Variants in ASS1 observed in about 807,000 individuals in gnomAD.
ASS1 encodes the protein argininosuccinate synthase 1, also known as argininosuccinate synthase.
A neutral mutation model predicts 60.5 loss-of-function variants in ASS1; 58 were observed. That is an observed-to-expected ratio of 0.96 (90% CI 0.78 to 1.19). The LOEUF (loss-of-function observed/expected upper bound fraction) is 1.19, where lower values mean the gene tolerates loss of function less well. ASS1 is among the 50% of genes most tolerant of loss of function. The probability of loss-of-function intolerance (pLI) is 0.00; values close to 1 mark genes in which losing one functional copy is unlikely to be tolerated. For synonymous variants in ASS1, 200 were observed against 206.9 expected (o/e 0.97, Z 0.29); for missense variants, 454 against 547.3 (o/e 0.83, Z 1.70).
intron 1 of ASS1, among the ~76,000 whole-genome samples, chr9:130,451,228 C>T (rs1845317532): frequency 6.6e-6 from 1 of 152,150 alleles, no homozygotes; most frequent in African/African-American, 2.4e-5. Flanking sequence ...GCCTTGGCGC[C>T]TTCGGGAGGC....
At position 130,450,309 on chromosome 9, in the gene ASS1, C is replaced by T. The variant is rs549216391; in HGVS notation, c.-5-1915C>T. 193 of 987,624 alleles carry T rather than the reference C, an allele frequency of 2.0e-4. No homozygotes were observed. Among genetic ancestry groups the T allele is most frequent in the Non-Finnish European group, 2.1e-4 (178 of 830,222 alleles). 61.2% of individuals were successfully genotyped at this position (987,624 alleles called of 1,614,324 possible). On this transcript the variant is annotated intron_variant, in intron 1 of 14. Coordinates refer to ENST00000352480, the MANE Select transcript of ASS1 (RefSeq NM_054012.4). The stretch of plus-strand genomic sequence containing the variant: ...CACTGTGAAAACAGATTCCAGACGC[C>T]GGGAACTCACGCCTCCAATCCCAGG...
intron 11 of ASS1, among the ~76,000 whole-genome samples, chr9:130,481,713 G>A (rs533022927): frequency 2.5e-4 from 38 of 152,322 alleles, no homozygotes; most frequent in Non-Finnish European, 4.6e-4. Flanking sequence ...CGTTTCCCTG[G>A]AAAGGCATGG....
rs1846067801 is a variant in ASS1 at position 130,478,032 on chromosome 9, G to A, written c.688+1071G>A. On this transcript the variant is annotated intron_variant, in intron 9 of 14. Coordinates refer to ENST00000352480, the MANE Select transcript of ASS1 (RefSeq NM_054012.4). This position sits in a 1 kb window ranked among gnomAD's most constrained non-coding sequence, Gnocchi z 4.7. ...AGCTTCACCATGCTGGGCCTTGGGT[G>A]CACTCATCAAAAAACGGACCACAGG... 6.6e-6 allele frequency among the ~76,000 whole-genome samples: 1 copy of A among 152,184 alleles called. No homozygotes were observed. The highest frequency in any genetic ancestry group is 1.5e-5 in the Non-Finnish European group (1 of 68,040).
Position 130,489,303 on chromosome 9 carries a change from C to A in ASS1, c.839-30C>A. ...TTTCATGCGTTTCTCTCTTTTTTCT[C>A]CTTTTCCCCCTGCCTGGAAAAATGG... On this transcript the variant is annotated intron_variant, in intron 11 of 14. Coordinates refer to ENST00000352480, the MANE Select transcript of ASS1 (RefSeq NM_054012.4). The surrounding 1 kb of genome is among the most constrained non-coding windows in gnomAD (Gnocchi z 4.1). 6.2e-7 allele frequency: 1 copy of A among 1,608,462 alleles called. No individual in the cohort carries two copies. The highest frequency in any genetic ancestry group is 8.5e-7 in the Non-Finnish European group (1 of 1,177,548).
At chr9:130,497,369 C>G (rs1036498367) in intron 13 of ASS1, among the ~76,000 whole-genome samples, 7 of 151,974 alleles carry the variant, frequency 4.6e-5, no homozygotes, top group Admixed American at 4.6e-4. Flanking sequence ...TGAGAGGTAG[C>G]AGAGCTGGAA....
At chr9:130,445,205 G>A in intron 1 of ASS1, 1 of 985,122 alleles carries the variant, frequency 1.0e-6, no homozygotes, top group Non-Finnish European at 1.2e-6. Flanking sequence ...CCAGGTTTCT[G>A]GAGCGTGGGG....
At position 130,452,254 on chromosome 9, in the gene ASS1, T is replaced by A; in HGVS notation, c.26T>A (p.Leu9Gln). 1 of 1,614,232 alleles carries A rather than the reference T, an allele frequency of 6.2e-7. No homozygotes were observed. Among genetic ancestry groups the A allele is most frequent in the Non-Finnish European group, 8.5e-7 (1 of 1,180,044 alleles). Residue 9 changes from leucine to glutamine, a missense_variant, in exon 2 of 15, where the codon CTG becomes CAG. Leu to Gln is a moderately radical substitution (Grantham distance 113, BLOSUM62 -2). Transcript: ENST00000352480. MSSKGSVV[L>Q]AYSGGLDTSC... ...ATGTCCAGCAAAGGCTCCGTGGTTC[T>A]GGCCTACAGTGGCGGCCTGGACACC...
At position 130,450,437 on chromosome 9, in the gene ASS1, C is replaced by A; in HGVS notation, c.-5-1787C>A. 3 of 810,990 alleles carry A rather than the reference C, an allele frequency of 3.7e-6. 1 individual carries two copies. The highest frequency in any genetic ancestry group is 1.1e-4 in the South Asian group (2 of 17,746). 50.2% of individuals were successfully genotyped at this position (810,990 alleles called of 1,614,324 possible). A position where few individuals can be genotyped will look rare whatever the true frequency, so the allele number is the denominator to read the frequency against. On this transcript the variant is annotated intron_variant, in intron 1 of 14. Transcript: ENST00000352480. ...AGTTGCCATGGATACCACCTGCTGG[C>A]TCCAGGGTTAGGGCTGGCTGAGTCA...
At chr9:130,493,987 G>A (rs1846520378) in intron 12 of ASS1, among the ~76,000 whole-genome samples, 1 of 152,182 alleles carries the variant, frequency 6.6e-6, no homozygotes. Flanking sequence ...GTTACAACTT[G>A]GGCCAACACA....
intron 4 of ASS1, among the ~76,000 whole-genome samples, chr9:130,461,417 G>A (rs1845590825): frequency 6.6e-6 from 1 of 152,188 alleles, no homozygotes; most frequent in East Asian, 1.9e-4. Flanking sequence ...GGCACCACCG[G>A]GGTCCTCTGT....
chr9:130,483,424 G>C (rs1006195970), intron 11 of ASS1, among the ~76,000 whole-genome samples: 20 of 152,122 alleles, frequency 1.3e-4, no homozygotes, highest in African/African-American at 4.6e-4. Flanking sequence ...GCGGCGCTCA[G>C]GGTCAGGGAC....
chr9:130,471,425 G>A, intron 7 of ASS1, 60 bp from the exon 8 acceptor site: 1 of 1,586,460 alleles, frequency 6.3e-7, no homozygotes, highest in East Asian at 2.2e-5. Flanking sequence ...TGTGTGTTGG[G>A]GGATGGGGAC....
intron 10 of ASS1, 147 bp from the exon 11 acceptor site, chr9:130,480,238 C>A: frequency 1.1e-6 from 1 of 876,130 alleles, no homozygotes. Flanking sequence ...CTAGGTGACC[C>A]GGCTCAGATG....
In ASS1 at chr9:130,476,713, G is replaced by T. The variant is rs1317149150; in HGVS notation, c.598-158G>T. The T allele has an allele frequency of 9.3e-6, 7 of 752,670 alleles. No homozygotes were observed. The East Asian group carries it at 1.8e-4, about 19-fold the overall frequency. The allele number at this position is 752,670 out of a possible 1,614,324, so 46.6% of individuals were successfully genotyped here. Reference sequence around the variant, plus strand: ...CCCAGGCCTCTGGCAAGCGAGGCTGGTGCTAGGCTGAGGGCTGGGGACCGG... The same window carrying T: ...CCCAGGCCTCTGGCAAGCGAGGCTGTTGCTAGGCTGAGGGCTGGGGACCGG... On this transcript the variant is annotated intron_variant, in intron 8 of 14. Coordinates refer to ENST00000352480, the MANE Select transcript of ASS1 (RefSeq NM_054012.4). The surrounding 1 kb of genome is among the most constrained non-coding windows in gnomAD (Gnocchi z 4.9).
chr9:130,452,093 G>C (rs568059523), intron 1 of ASS1, 131 bp from the exon 2 acceptor site: 16 of 793,028 alleles, frequency 2.0e-5, no homozygotes, highest in Non-Finnish European at 3.3e-5. Context: ...TCCTGTTCCC[G>C]ACCTTCAGTG....
intron 5 of ASS1, 140 bp downstream of exon 5, chr9:130,464,307 C>T: frequency 9.5e-7 from 1 of 1,052,146 alleles, no homozygotes; most frequent in Non-Finnish European, 1.4e-6. Context: ...GGGTGGACAG[C>T]CTGCTGGGGA....
intron 11 of ASS1, among the ~76,000 whole-genome samples, chr9:130,486,063 T>C (rs1846301003): frequency 6.6e-6 from 1 of 152,188 alleles, no homozygotes; most frequent in South Asian, 2.1e-4. Context: ...CATGACTCAC[T>C]GCAGCCTCAA....
rs1387183952 is a variant in ASS1, at chr9:130,470,736, C to T, written c.496-98C>T. ...GCCAGGGTCTTGTCTGAATGGGGGC[C>T]AGAGTTTGGGGCTCTCTGAAAAAGC... is the stretch of plus-strand genomic sequence containing the variant. On this transcript the variant is annotated intron_variant, in intron 6 of 14. Transcript: ENST00000352480. This position sits in a 1 kb window ranked among gnomAD's most constrained non-coding sequence, Gnocchi z 4.3. 4.1e-6 allele frequency: 5 copies of T among 1,215,558 alleles called. No individual in the cohort carries two copies. Among genetic ancestry groups the T allele is most frequent in the Non-Finnish European group, 6.1e-6 (5 of 821,362 alleles). 75.3% of individuals were successfully genotyped at this position (1,215,558 alleles called of 1,614,324 possible).
At chr9:130,479,281 C>CTG (rs376408214) in intron 9 of ASS1, among the ~76,000 whole-genome samples, 2,068 of 148,384 alleles carry the variant, frequency 0.014, 18 homozygotes, top group African/African-American at 0.027. Context: ...TGGCAGGGGG[C>CTG]TGTGTGTGTG....
Sources: allele counts gnomAD v4.1 joint callset (sites outside exome capture counted in the v4.1 genomes callset), GRCh38; gene constraint gnomAD v4.1.1; non-coding constraint Gnocchi (gnomAD v3.1); transcripts MANE v1.5; gene names NCBI Gene and HGNC (gene_info 2026-07-23, HGNC 2026-07-21).